ZMPSTE24: variants seen among roughly 807,000 people sequenced by gnomAD.
ZMPSTE24 encodes CAAX prenyl protease 1 homolog.
Under a neutral mutation model 56.7 loss-of-function variants are expected in ZMPSTE24, and 48 were observed. The observed-to-expected ratio is 0.85, with a 90% CI of 0.67 to 1.08. The LOEUF is 1.08. Among genes scored for constraint, ZMPSTE24 ranks in the 50% least tolerant of loss-of-function variants. The probability of loss-of-function intolerance (pLI) is 0.00; values close to 1 mark genes in which losing one functional copy is unlikely to be tolerated. For missense variants in ZMPSTE24, 503 were observed against 548.7 expected, an observed-to-expected ratio of 0.92 and a Z score of 0.83; for synonymous variants, 172 against 195.2, an observed-to-expected ratio of 0.88 and a Z score of 0.99.
At position 40,262,993 on chromosome 1, in the gene ZMPSTE24, A is replaced by G. The variant is rs1643514149; in HGVS notation, c.270+2008A>G. ...AAGGCAATTAGATGAGGTAGACACT[A>G]TTCTCTTTCTGATGTTTGCTTCTTG... On this transcript the variant is annotated intron_variant, in intron 2 of 9. Transcript: ENST00000372759. The G allele has an allele frequency of 3.0e-6, 3 of 995,216 alleles. No homozygotes were observed. In the African/African-American group the frequency reaches 5.2e-5, roughly 17 times the overall value. 61.6% of individuals were successfully genotyped at this position (995,216 alleles called of 1,614,324 possible).
rs368298130 is a variant in ZMPSTE24 at position 40,281,121 on chromosome 1, A to T, written c.770-222A>T. Among the ~76,000 whole-genome samples, 12 of 152,316 alleles carry T rather than the reference A, an allele frequency of 7.9e-5. 1 individual carries two copies. Among genetic ancestry groups the T allele is most frequent in the East Asian group, 3.9e-4 (2 of 5,190 alleles). ...TGTAACTGTTGGATGTTTAGGCTTT[A>T]CTTATTTACTTACTGCTATAAAGCT... On this transcript the variant is annotated intron_variant, in intron 6 of 9. Transcript: ENST00000372759.
At chr1:40,275,478 G>A (rs1239462321) in intron 6 of ZMPSTE24, among the ~76,000 whole-genome samples, 3 of 151,554 alleles carry the variant, frequency 2.0e-5, no homozygotes, top group African/African-American at 4.8e-5. Context: ...TTGGCCAGGC[G>A]TGGTGGCTCA....
Position 40,292,449 on chromosome 1 carries a change from T to G in ZMPSTE24, c.1208T>G (p.Leu403Arg), listed in dbSNP as rs773408247. Residue 403 changes from leucine (L) to arginine (R), a missense_variant, in exon 10 of 10, where the codon CTT (leucine) becomes CGT (arginine). Transcript: ENST00000372759. ...CCCTTTCATTTTCTTTTTCAGGTTCTTTCTTTTTGCCTAACAGTCCTAAGC... is the reference window on the plus strand; with the variant it reads ...CCCTTTCATTTTCTTTTTCAGGTTCGTTCTTTTTGCCTAACAGTCCTAAGC... Reference protein sequence around the residue: ...QFIFSPYNEVLSFCLTVLSRR... With the variant: ...QFIFSPYNEVRSFCLTVLSRR... The G allele has an allele frequency of 6.2e-7, 1 of 1,613,796 alleles. No individual in the cohort carries two copies. The highest frequency in any genetic ancestry group is 1.1e-5 in the South Asian group (1 of 91,054).
At position 40,268,538 on chromosome 1, in the gene ZMPSTE24, A is replaced by G. The variant is rs748811965; in HGVS notation, c.474+3A>G. The G allele has an allele frequency of 1.3e-6, 2 of 1,534,840 alleles. No homozygotes were observed. The highest frequency in any genetic ancestry group is 1.8e-6 in the Non-Finnish European group (2 of 1,110,876). ...AAAAACATGGCTTCAATCAACAGGT[A>G]TAATAAAGAATACAAATGTTCTCTT... On this transcript the variant is annotated splice_donor_region_variant and intron_variant, in intron 4 of 9. Transcript: ENST00000372759.
rs187166566 is a variant in ZMPSTE24 at position 40,274,245 on chromosome 1, A to G, written c.769+2210A>G. 1.2e-3 allele frequency among the ~76,000 whole-genome samples: 189 copies of G among 152,356 alleles called. 1 individual carries two copies. The South Asian group carries it at 0.013, about 10-fold the overall frequency. On this transcript the variant is annotated intron_variant, in intron 6 of 9. Coordinates refer to ENST00000372759, the MANE Select transcript of ZMPSTE24 (RefSeq NM_005857.5). ...TTGCCAAACAGCAGTTTACTCACCTATAATGTATGTTTTAATTGTTGTTAA... is the reference window on the plus strand; with the variant it reads ...TTGCCAAACAGCAGTTTACTCACCTGTAATGTATGTTTTAATTGTTGTTAA...
chr1:40,276,556 G>A (rs1643673234), intron 6 of ZMPSTE24, among the ~76,000 whole-genome samples: 5 of 152,332 alleles, frequency 3.3e-5, no homozygotes, highest in South Asian at 2.1e-4. Flanking sequence ...TTACATTTTT[G>A]TAGAATGTTT....
intron 2 of ZMPSTE24, among the ~76,000 whole-genome samples, chr1:40,267,414 G>C (rs1287925420): frequency 6.9e-6 from 1 of 144,734 alleles, no homozygotes; most frequent in African/African-American, 2.5e-5. Flanking sequence ...TGCCTTGCTG[G>C]AGTGCAGTGT....
chr1:40,285,108 A>G (rs1207622297), intron 7 of ZMPSTE24, among the ~76,000 whole-genome samples: 1 of 149,372 alleles, frequency 6.7e-6, no homozygotes, highest in Non-Finnish European at 1.5e-5. Flanking sequence ...TATTATTATT[A>G]TTATTATTAT....
intron 2 of ZMPSTE24, among the ~76,000 whole-genome samples, chr1:40,262,384 A>G (rs1643505922): frequency 6.6e-6 from 1 of 152,222 alleles, no homozygotes; most frequent in Non-Finnish European, 1.5e-5. Context: ...ATACACAGCT[A>G]TTGCTATTAA....
At chr1:40,286,264 T>G (rs1271662714) in intron 8 of ZMPSTE24, among the ~76,000 whole-genome samples, 1 of 152,052 alleles carries the variant, frequency 6.6e-6, no homozygotes, top group Non-Finnish European at 1.5e-5. Context: ...ATTAAGTGAG[T>G]TAATACATGT....
At chr1:40,260,760 A>C (rs1643488690) in intron 1 of ZMPSTE24, 79 bp from the exon 2 acceptor site, 1 of 1,479,774 alleles carries the variant, frequency 6.8e-7, no homozygotes, top group Non-Finnish European at 9.4e-7. Flanking sequence ...GCAAGCTATA[A>C]ACCATTCGAT....
At chr1:40,267,764 C>A in intron 2 of ZMPSTE24, 22 bp from the exon 3 acceptor site, 1 of 1,549,612 alleles carries the variant, frequency 6.5e-7, no homozygotes, top group South Asian at 1.1e-5. Context: ...CAACTGTGAT[C>A]AAAGTATGCT....
chr1:40,262,795 C>T, intron 2 of ZMPSTE24: 1 of 1,177,752 alleles, frequency 8.5e-7, no homozygotes, highest in Non-Finnish European at 1.1e-6. Context: ...CTGAGTTTTG[C>T]TGTTTTGTCA....
At chr1:40,286,069 G>T in intron 8 of ZMPSTE24, 40 bp downstream of exon 8, 1 of 1,548,800 alleles carries the variant, frequency 6.5e-7, no homozygotes, top group South Asian at 1.1e-5. Flanking sequence ...TGGCATGATA[G>T]TCAAATTAGA....
At chr1:40,287,761 G>T (rs186839757) in intron 8 of ZMPSTE24, among the ~76,000 whole-genome samples, 1 of 151,868 alleles carries the variant, frequency 6.6e-6, no homozygotes, top group Admixed American at 6.6e-5. Flanking sequence ...TCCTCTTCTC[G>T]GTTCTAGAAC....
At chr1:40,260,747 G>T in intron 1 of ZMPSTE24, 92 bp from the exon 2 acceptor site, 2 of 1,338,010 alleles carry the variant, frequency 1.5e-6, no homozygotes, top group Non-Finnish European at 2.1e-6. Context: ...ACAGATATAA[G>T]TGGCAAGCTA....
intron 6 of ZMPSTE24, among the ~76,000 whole-genome samples, chr1:40,275,943 GAATT>G (rs1643667245): frequency 6.6e-6 from 1 of 152,300 alleles, no homozygotes; most frequent in South Asian, 2.1e-4. Context: ...AGCACCTGCA[GAATT>G]AATTCCTCAC....
intron 8 of ZMPSTE24, among the ~76,000 whole-genome samples, chr1:40,287,138 C>A (rs1450014296): frequency 6.6e-6 from 1 of 151,672 alleles, no homozygotes; most frequent in East Asian, 2.0e-4. Context: ...GTGATCTCAA[C>A]TCACTGCAAC....
At position 40,260,926 on chromosome 1, in the gene ZMPSTE24, CA is replaced by C; in HGVS notation, c.213del (p.Gln71HisfsTer66). ...SETFEKSRLY[Q>X]LDKSTFSFWS... ...AACATTTGAGAAATCTCGACTCTAT[CA>C]ACTGGATAAAAGCACTTTCAGCTTC... On this transcript the variant is annotated frameshift_variant, in exon 2 of 10. Transcript: ENST00000372759. LOFTEE classifies it high-confidence loss of function. 1 of 1,614,118 alleles carries C rather than the reference CA, an allele frequency of 6.2e-7. No homozygotes were observed. The highest frequency in any genetic ancestry group is 8.5e-7 in the Non-Finnish European group (1 of 1,179,992).
Sources: gnomAD v4.1 joint callset for allele counts (sites outside exome capture counted in the v4.1 genomes callset) on GRCh38, gnomAD v4.1.1 for gene constraint, MANE v1.5 for transcripts, NCBI Gene and HGNC (gene_info 2026-07-23, HGNC 2026-07-21) for gene names.